CMSS1: variants seen among roughly 807,000 people sequenced by gnomAD.
The protein encoded by CMSS1 is cms1 ribosomal small subunit homolog, also known as protein CMSS1.
In CMSS1, 33 loss-of-function variants were observed where a neutral mutation model predicts 43.5. The observed-to-expected ratio is 0.76, with a 90% CI of 0.57 to 1.01. The LOEUF (loss-of-function observed/expected upper bound fraction) is 1.01. CMSS1 is among the 50% of genes least tolerant of loss of function. CMSS1 has a pLI of 0.00. For synonymous variants in CMSS1, 115 were observed against 117.2 expected (o/e 0.98, Z 0.12); for missense variants, 313 against 326.4 (o/e 0.96, Z 0.32).
At chr3:99,837,639 C>T (rs1942955362) in intron 1 of CMSS1, among the ~76,000 whole-genome samples, 1 of 152,180 alleles carries the variant, frequency 6.6e-6, no homozygotes, top group African/African-American at 2.4e-5. Context: ...TTTTGTACTC[C>T]TGAATTTGGA....
intron 1 of CMSS1, among the ~76,000 whole-genome samples, chr3:99,892,368 G>C (rs1244269579): frequency 6.6e-6 from 1 of 152,170 alleles, no homozygotes; most frequent in Non-Finnish European, 1.5e-5. Flanking sequence ...AAGTGGTCTA[G>C]AATGTGAGTA....
chr3:99,930,761 C>T, intron 1 of CMSS1: 1 of 1,612,804 alleles, frequency 6.2e-7, no homozygotes, highest in Non-Finnish European at 8.5e-7. Flanking sequence ...AACTCCAACC[C>T]AGCTGACCTG....
At chr3:100,014,868 TC>T (rs1398567169) in intron 1 of CMSS1, among the ~76,000 whole-genome samples, 3 of 147,614 alleles carry the variant, frequency 2.0e-5, no homozygotes, top group Admixed American at 6.8e-5. Context: ...TTTGTCTTTT[TC>T]TTTTCTTTTT....
chr3:100,016,108 C>T (rs1271913769), intron 1 of CMSS1, among the ~76,000 whole-genome samples: 4 of 152,116 alleles, frequency 2.6e-5, no homozygotes, highest in Non-Finnish European at 4.4e-5. Flanking sequence ...TCCTTGCAGG[C>T]CGTTTTGTGG....
intron 1 of CMSS1, chr3:99,851,217 A>T (rs1943681703): frequency 6.7e-6 from 4 of 600,618 alleles, no homozygotes; most frequent in Non-Finnish European, 1.1e-5. Context: ...CCTGAATTTG[A>T]TGACAGAGGA....
chr3:99,838,657 G>A lies in CMSS1; in HGVS notation c.64+20614G>A, dbSNP rs115428909. Reference sequence around the variant, plus strand: ...CCCTTGCAACTCAGTGTGTTGCCACGGAAAGAGAATGGGGCAACAGAATCA... The same window carrying A: ...CCCTTGCAACTCAGTGTGTTGCCACAGAAAGAGAATGGGGCAACAGAATCA... On this transcript the variant is annotated intron_variant, in intron 1 of 9. Coordinates refer to ENST00000421999, the MANE Select transcript of CMSS1 (RefSeq NM_032359.4). Among the ~76,000 whole-genome samples the A allele has an allele frequency of 3.8e-3, 576 of 152,234 alleles. 3 individuals are homozygous for A. Among genetic ancestry groups the A allele is most frequent in the African/African-American group, 0.013 (546 of 41,534 alleles).
At chr3:99,820,786 T>C (rs1942420903) in intron 1 of CMSS1, among the ~76,000 whole-genome samples, 1 of 152,214 alleles carries the variant, frequency 6.6e-6, no homozygotes, top group Non-Finnish European at 1.5e-5. Context: ...TTGATAGGGA[T>C]GTCAAATGTA....
intron 1 of CMSS1, among the ~76,000 whole-genome samples, chr3:99,941,039 C>G (rs551612568): frequency 1.3e-5 from 2 of 152,350 alleles, no homozygotes; most frequent in Admixed American, 1.3e-4. Context: ...CTATAACTGG[C>G]AGAAAGTTTA....
intron 1 of CMSS1, among the ~76,000 whole-genome samples, chr3:99,983,389 A>AATATATATATATATATATAT (rs397990626): frequency 2.5e-5 from 1 of 40,788 alleles, no homozygotes; most frequent in African/African-American, 1.0e-4. Context: ...TAAATAAATA[A>AATATATATATATATATATAT]ATATATATAT....
chr3:99,828,682 C>T (rs1942584570), intron 1 of CMSS1, among the ~76,000 whole-genome samples: 1 of 151,366 alleles, frequency 6.6e-6, no homozygotes, highest in South Asian at 2.1e-4. Context: ...TCTTGAGCTC[C>T]TGGCCTCAAG....
intron 1 of CMSS1, among the ~76,000 whole-genome samples, chr3:99,888,903 T>G (rs958218169): frequency 6.0e-4 from 91 of 152,200 alleles, no homozygotes; most frequent in African/African-American, 2.1e-3. Flanking sequence ...GAATTGTGCT[T>G]CTTAATTTTT....
intron 1 of CMSS1, among the ~76,000 whole-genome samples, chr3:100,012,357 A>G (rs895198249): frequency 6.6e-6 from 1 of 152,060 alleles, no homozygotes; most frequent in Non-Finnish European, 1.5e-5. Context: ...GAGAATCTCT[A>G]GTTTTCTCAT....
chr3:99,842,056 C>T (rs879568250), intron 1 of CMSS1, among the ~76,000 whole-genome samples: 1 of 152,022 alleles, frequency 6.6e-6, no homozygotes, highest in African/African-American at 2.4e-5. Flanking sequence ...CAGCACAATT[C>T]GCAATTGCAA....
intron 1 of CMSS1, among the ~76,000 whole-genome samples, chr3:100,044,914 A>G (rs2065255895): frequency 6.6e-6 from 1 of 152,170 alleles, no homozygotes; most frequent in South Asian, 2.1e-4. Context: ...GCAGAATAGT[A>G]GTGTCTCTGA....
At chr3:99,973,242 T>C (rs1242150435) in intron 1 of CMSS1, among the ~76,000 whole-genome samples, 1 of 152,188 alleles carries the variant, frequency 6.6e-6, no homozygotes, top group African/African-American at 2.4e-5. Context: ...ATTTTTTTTC[T>C]CTTCTTGTGA....
At chr3:99,905,980 C>A (rs1295796849) in intron 1 of CMSS1, among the ~76,000 whole-genome samples, 1 of 152,134 alleles carries the variant, frequency 6.6e-6, no homozygotes, top group Admixed American at 6.5e-5. Context: ...ATCACTTGAA[C>A]TTAGAAGTTC....
intron 1 of CMSS1, among the ~76,000 whole-genome samples, chr3:99,878,366 T>C (rs1705608591): frequency 6.6e-6 from 1 of 152,250 alleles, no homozygotes; most frequent in Non-Finnish European, 1.5e-5. Context: ...GATAAAGACA[T>C]TTAGAAGGCT....
At chr3:99,948,392 G>A (rs1346125933) in intron 1 of CMSS1, among the ~76,000 whole-genome samples, 2 of 151,830 alleles carry the variant, frequency 1.3e-5, no homozygotes, top group Non-Finnish European at 2.9e-5. Flanking sequence ...AAAAAAATTA[G>A]CTCGGTAGGG....
intron 1 of CMSS1, among the ~76,000 whole-genome samples, chr3:99,858,536 CAT>C (rs1222663330): frequency 2.6e-5 from 4 of 152,140 alleles, no homozygotes; most frequent in South Asian, 2.1e-4. Context: ...TGCTAAATAA[CAT>C]ATTTTTATGA....
Sources: gnomAD v4.1 joint callset for allele counts (sites outside exome capture counted in the v4.1 genomes callset) on GRCh38, gnomAD v4.1.1 for gene constraint, MANE v1.5 for transcripts, NCBI Gene and HGNC (gene_info 2026-07-23, HGNC 2026-07-21) for gene names.